Variants in LNX1 observed in about 807,000 individuals in gnomAD.
The protein encoded by LNX1 is ligand of numb-protein X 1.
LNX1 carries 54 observed loss-of-function variants against 68.4 expected under a neutral mutation model. That is an observed-to-expected ratio of 0.79 (90% CI 0.63 to 0.99). LNX1 has a LOEUF of 0.99. LNX1 is among the 50% of genes least tolerant of loss of function. The pLI is 0.00. For missense variants in LNX1, 906 were observed against 926.4 expected (o/e 0.98, Z 0.29); for synonymous variants, 336 against 350.0 (o/e 0.96, Z 0.45).
intron 2 of LNX1, among the ~76,000 whole-genome samples, chr4:53,535,824 C>A (rs1728333870): frequency 6.6e-6 from 1 of 152,164 alleles, no homozygotes; most frequent in Non-Finnish European, 1.5e-5. Context: ...TCTGTTGGCA[C>A]AGTTCATGAG....
intron 2 of LNX1, among the ~76,000 whole-genome samples, chr4:53,531,206 T>G (rs746883948): frequency 6.6e-6 from 1 of 152,158 alleles, no homozygotes; most frequent in Non-Finnish European, 1.5e-5. Context: ...CCCCACTACT[T>G]TGTCTAGCAG....
At chr4:53,650,052 GC>G (rs1383246869) in intron 1 of LNX1, among the ~76,000 whole-genome samples, 1 of 152,186 alleles carries the variant, frequency 6.6e-6, no homozygotes, top group Non-Finnish European at 1.5e-5. Flanking sequence ...AGAGTGAGCA[GC>G]CCACATCCAT....
chr4:53,475,509 A>T (rs1723505294), intron 9 of LNX1, among the ~76,000 whole-genome samples: 1 of 152,252 alleles, frequency 6.6e-6, no homozygotes, highest in Non-Finnish European at 1.5e-5. Context: ...TAAAAAACTC[A>T]TTTGAAATGT....
At chr4:53,606,034 A>G (rs1219758243) in intron 2 of LNX1, among the ~76,000 whole-genome samples, 1 of 152,156 alleles carries the variant, frequency 6.6e-6, no homozygotes, top group Non-Finnish European at 1.5e-5. Context: ...TCACAAGTGG[A>G]GGAACTAGAT....
chr4:53,638,911 G>A (rs1027709489), intron 1 of LNX1, among the ~76,000 whole-genome samples: 46 of 152,336 alleles, frequency 3.0e-4, no homozygotes, highest in African/African-American at 1.1e-3. Context: ...TTCAGCCACT[G>A]TGGAAAGCAG....
intron 1 of LNX1, among the ~76,000 whole-genome samples, chr4:53,585,112 T>C (rs1286648846): frequency 6.6e-6 from 1 of 152,206 alleles, no homozygotes; most frequent in Non-Finnish European, 1.5e-5. Context: ...TGTTTTGGTT[T>C]GGAGGACTCA....
intron 1 of LNX1, among the ~76,000 whole-genome samples, chr4:53,644,652 G>A (rs545204386): frequency 1.4e-4 from 21 of 152,320 alleles, no homozygotes; most frequent in African/African-American, 4.8e-4. Context: ...CCAGGAGGGA[G>A]CGGGATTCCA....
intron 2 of LNX1, among the ~76,000 whole-genome samples, chr4:53,571,722 G>T (rs1414480499): frequency 2.6e-5 from 4 of 151,874 alleles, no homozygotes; most frequent in Non-Finnish European, 5.9e-5. Context: ...GAGTGCAGTA[G>T]CGCATCACAG....
At chr4:53,523,886 G>A (rs1372348138) in intron 2 of LNX1, among the ~76,000 whole-genome samples, 1 of 152,182 alleles carries the variant, frequency 6.6e-6, no homozygotes, top group African/African-American at 2.4e-5. Context: ...AGTGATAGAG[G>A]ATTTGGTTAT....
chr4:53,498,433 AG>A (rs1030469754), intron 5 of LNX1, among the ~76,000 whole-genome samples: 1 of 152,134 alleles, frequency 6.6e-6, no homozygotes, highest in Non-Finnish European at 1.5e-5. Flanking sequence ...ACAGAGAGAA[AG>A]GGGGGAGAGA....
At chr4:53,589,065 T>G (rs1294636482) in intron 1 of LNX1, among the ~76,000 whole-genome samples, 1 of 152,200 alleles carries the variant, frequency 6.6e-6, no homozygotes, top group Non-Finnish European at 1.5e-5. Context: ...TCTGTGAGAC[T>G]GGAGGAGACC....
chr4:53,537,413 G>T (rs950062395), intron 2 of LNX1, among the ~76,000 whole-genome samples: 11 of 152,184 alleles, frequency 7.2e-5, no homozygotes, highest in Non-Finnish European at 1.5e-4. Flanking sequence ...CATGGATGGA[G>T]AAGGGAGGAA....
chr4:53,496,283 T>C lies in LNX1; in HGVS notation c.1090A>G (p.Arg364Gly). ...GCATCCGGGGCCTGTCCATTGTTCC[T>C]GCTGCGGAACTTCTGTTCACGCATC... The part of the protein sequence containing the change: ...TVMREQKFRS[R>G]NNGQAPDAYR... Residue 364 changes from arginine to glycine, a missense_variant, in exon 6 of 11, where the codon AGG becomes GGG. Coordinates refer to ENST00000263925, the MANE Select transcript of LNX1 (RefSeq NM_001126328.3). The C allele has an allele frequency of 6.2e-7, 1 of 1,614,220 alleles. No individual in the cohort carries two copies. The highest frequency in any genetic ancestry group is 1.3e-5 in the African/African-American group (1 of 75,062).
chr4:53,555,298 C>T (rs1191138100), intron 2 of LNX1, among the ~76,000 whole-genome samples: 1 of 152,164 alleles, frequency 6.6e-6, no homozygotes, highest in Non-Finnish European at 1.5e-5. Context: ...CACAGCCAGC[C>T]CCTAACCTTT....
At chr4:53,531,542 A>G (rs1344072755) in intron 2 of LNX1, among the ~76,000 whole-genome samples, 1 of 152,198 alleles carries the variant, frequency 6.6e-6, no homozygotes, top group African/African-American at 2.4e-5. Flanking sequence ...AGTTTTCAAA[A>G]TGTTTTTGGT....
intron 9 of LNX1, among the ~76,000 whole-genome samples, chr4:53,466,181 G>T (rs1722668198): frequency 1.3e-5 from 2 of 151,882 alleles, no homozygotes; most frequent in African/African-American, 4.8e-5. Flanking sequence ...ATATTATTTG[G>T]AATCACTAAT....
chr4:53,574,152 G>GCCCTGTCTC, intron 1 of LNX1, 64 bp from the exon 2 acceptor site: 2 of 1,211,738 alleles, frequency 1.7e-6, no homozygotes, highest in Non-Finnish European at 2.2e-6. Context: ...GCTTATGGTA[G>GCCCTGTCTC]ACATGAGACA....
chr4:53,644,440 C>A (rs749466054), intron 1 of LNX1, among the ~76,000 whole-genome samples: 1 of 151,840 alleles, frequency 6.6e-6, no homozygotes, highest in African/African-American at 2.4e-5. Flanking sequence ...CAAACAAAAC[C>A]CCAAAACAAG....
chr4:53,496,090 CGGTCATTCTCCTCAAGCT>C lies in LNX1; in HGVS notation c.1265_1282del (p.Gln422_Asp427del). 6.2e-7 allele frequency: 1 copy of C among 1,614,168 alleles called. No homozygotes were observed. The highest frequency in any genetic ancestry group is 8.5e-7 in the Non-Finnish European group (1 of 1,180,016). ...ATCATGTCCATTGATGGCTAACACA[CGGTCATTCTCCTCAAGCT>C]GACCATGTCGATATGCCACACCGCC... is the stretch of plus-strand genomic sequence containing the variant. On this transcript the variant is annotated inframe_deletion, in exon 6 of 11. Transcript: ENST00000263925.
Sources: gnomAD v4.1 joint callset for allele counts (sites outside exome capture counted in the v4.1 genomes callset) on GRCh38, gnomAD v4.1.1 for gene constraint, MANE v1.5 for transcripts, NCBI Gene and HGNC (gene_info 2026-07-23, HGNC 2026-07-21) for gene names.